Variants in ATF3 observed in about 807,000 individuals in gnomAD.
The protein encoded by ATF3 is activating transcription factor 3.
In ATF3, 10 loss-of-function variants were observed where a neutral mutation model predicts 18.4. That is an observed-to-expected ratio of 0.54 (90% CI 0.34 to 0.92). ATF3 has a LOEUF of 0.92. Among genes scored for constraint, ATF3 ranks in the 40% least tolerant of loss-of-function variants. The pLI is 0.02. For missense variants in ATF3, 183 were observed against 222.3 expected, an observed-to-expected ratio of 0.82 and a Z score of 1.12; for synonymous variants, 78 against 87.9, an observed-to-expected ratio of 0.89 and a Z score of 0.63.
intron 2 of ATF3, 118 bp downstream of exon 2, chr1:212,615,379 C>T (rs959805180): frequency 7.8e-7 from 1 of 1,285,226 alleles, no homozygotes; most frequent in African/African-American, 1.5e-5. Context: ...AAACCACTGC[C>T]CTCAGGGAGC....
chr1:212,579,178 A>G (rs1199585077), intron 1 of ATF3, among the ~76,000 whole-genome samples: 1 of 151,620 alleles, frequency 6.6e-6, no homozygotes, highest in Non-Finnish European at 1.5e-5. Flanking sequence ...TGCCTGGTTA[A>G]TTTTTGTATT....
At chr1:212,593,249 A>G (rs1262989283) in intron 1 of ATF3, among the ~76,000 whole-genome samples, 1 of 141,908 alleles carries the variant, frequency 7.0e-6, no homozygotes, top group African/African-American at 2.6e-5. Context: ...GTGAGAACAC[A>G]TGGACACAGG....
intron 1 of ATF3, among the ~76,000 whole-genome samples, chr1:212,596,915 G>C (rs951811043): frequency 2.0e-5 from 3 of 152,256 alleles, no homozygotes; most frequent in Admixed American, 2.0e-4. Flanking sequence ...TAAGTGCCCA[G>C]TGTGGAGCCT....
At chr1:212,579,681 A>G (rs1319639325) in intron 1 of ATF3, among the ~76,000 whole-genome samples, 2 of 152,200 alleles carry the variant, frequency 1.3e-5, no homozygotes, top group African/African-American at 4.8e-5. Flanking sequence ...TAAGTCACGT[A>G]ATCACCCTAA....
chr1:212,586,970 G>A (rs1664791523), intron 1 of ATF3, among the ~76,000 whole-genome samples: 1 of 152,196 alleles, frequency 6.6e-6, no homozygotes, highest in Admixed American at 6.5e-5. Flanking sequence ...CCTCCGCAGG[G>A]CAGAGGAGCC....
At chr1:212,588,400 G>C (rs111595262) in intron 1 of ATF3, among the ~76,000 whole-genome samples, 2 of 151,840 alleles carry the variant, frequency 1.3e-5, no homozygotes, top group Non-Finnish European at 2.9e-5. Flanking sequence ...ATCACATCTC[G>C]TCACCCTAGG....
At position 212,583,490 on chromosome 1, in the gene ATF3, A is replaced by C. The variant is rs531848589; in HGVS notation, c.-5+18007A>C. ...GCAGGATTACAGGAACCCACAGGGG[A>C]TGGTGAAGCACTGAGGAACTAGTAA... On this transcript the variant is annotated intron_variant, in intron 1 of 3. Coordinates refer to the ATF3 transcript ENST00000366981. 2.0e-5 allele frequency among the ~76,000 whole-genome samples: 3 copies of C among 152,346 alleles called. No homozygotes were observed. In the East Asian group the frequency reaches 5.8e-4, roughly 29 times the overall value.
intron 1 of ATF3, among the ~76,000 whole-genome samples, chr1:212,568,796 A>C (rs1664428709): frequency 1.3e-5 from 2 of 152,100 alleles, no homozygotes; most frequent in South Asian, 4.1e-4. Context: ...CTTTCTCTCA[A>C]AATTGCCTGT....
chr1:212,567,441 C>G (rs1246213762), intron 1 of ATF3, among the ~76,000 whole-genome samples: 2 of 152,204 alleles, frequency 1.3e-5, no homozygotes, highest in Non-Finnish European at 2.9e-5. Context: ...CAGCCCTTCT[C>G]TCTTGTCTCT....
chr1:212,605,000 C>T (rs1654580608), upstream of ATF3, among the ~76,000 whole-genome samples: 1 of 152,082 alleles, frequency 6.6e-6, no homozygotes, highest in South Asian at 2.1e-4. Context: ...CTGGAGATCG[C>T]TTGACTTCAT....
intron 1 of ATF3, among the ~76,000 whole-genome samples, chr1:212,586,104 G>A (rs1664775196): frequency 6.6e-6 from 1 of 152,152 alleles, no homozygotes; most frequent in Non-Finnish European, 1.5e-5. Flanking sequence ...ACCAGACTGT[G>A]AGTCTGTCCT....
chr1:212,597,474 C>G (rs549925477), intron 1 of ATF3, among the ~76,000 whole-genome samples: 613 of 147,760 alleles, frequency 4.1e-3, no homozygotes, highest in Non-Finnish European at 7.1e-3. Flanking sequence ...ATCTAGCTAG[C>G]TATCCATCCA....
intron 1 of ATF3, among the ~76,000 whole-genome samples, chr1:212,589,045 A>G (rs1231873409): frequency 6.6e-6 from 1 of 152,228 alleles, no homozygotes; most frequent in South Asian, 2.1e-4. Context: ...CGCTTTGAAC[A>G]TTTGAACCCA....
intron 1 of ATF3, among the ~76,000 whole-genome samples, chr1:212,585,754 A>G (rs116046498): frequency 0.02 from 3,059 of 152,242 alleles, 89 homozygotes; most frequent in African/African-American, 0.065. Context: ...CGACCTAGGC[A>G]GATTTTCTCC....
intron 1 of ATF3, among the ~76,000 whole-genome samples, chr1:212,567,182 CA>C (rs1186607522): frequency 1.3e-5 from 2 of 151,608 alleles, no homozygotes; most frequent in East Asian, 3.9e-4. Context: ...TTTGAAGCCC[CA>C]GGCACTGAGA....
intron 1 of ATF3, among the ~76,000 whole-genome samples, chr1:212,577,068 G>A (rs1664596104): frequency 6.6e-6 from 1 of 152,038 alleles, no homozygotes; most frequent in Admixed American, 6.6e-5. Context: ...TTAAGTGACA[G>A]TCTGTGGTTG....
chr1:212,619,482 A>G lies in ATF3; in HGVS notation c.473A>G (p.Gln158Arg). The change falls in exon 4 of 4, where the codon CAG (glutamine) becomes CGG (arginine). Residue 158 changes from glutamine to arginine, a missense_variant. Transcript: ENST00000341491. The surrounding 1 kb of genome is among the most constrained non-coding windows in gnomAD (Gnocchi z 4.4). ...CGGCCCACGTGTATTGTCCGGGCTC[A>G]GAATGGGAGGACTCCAGAAGATGAG... is the stretch of plus-strand genomic sequence containing the variant. The part of the protein sequence containing the change: ...LHRPTCIVRA[Q>R]NGRTPEDERN... The G allele has an allele frequency of 3.7e-6, 6 of 1,614,240 alleles. No individual in the cohort carries two copies. Among genetic ancestry groups the G allele is most frequent in the Non-Finnish European group, 5.1e-6 (6 of 1,180,038 alleles).
chr1:212,573,277 TA>T lies in ATF3; in HGVS notation c.-5+7798del, dbSNP rs1215651307. On this transcript the variant is annotated intron_variant, in intron 1 of 3. Transcript: ENST00000366981. ...AAATAAACACTTTTTGTTATGTTAA[TA>T]AAAGTTCTTAAATTTGTAATTATTT... Among the ~76,000 whole-genome samples the T allele has an allele frequency of 9.9e-5, 15 of 152,120 alleles. No individual in the cohort carries two copies. The East Asian group carries it at 2.9e-3, about 29-fold the overall frequency.
chr1:212,600,856 T>C (rs914408179), intron 1 of ATF3, among the ~76,000 whole-genome samples: 1 of 152,190 alleles, frequency 6.6e-6, no homozygotes, highest in Non-Finnish European at 1.5e-5. Context: ...CGTTAAAATG[T>C]TGGAGGACTA....
Sources: allele counts gnomAD v4.1 joint callset (sites outside exome capture counted in the v4.1 genomes callset), GRCh38; gene constraint gnomAD v4.1.1; non-coding constraint Gnocchi (gnomAD v3.1); transcripts MANE v1.5; gene names NCBI Gene and HGNC (gene_info 2026-07-23, HGNC 2026-07-21).